The following HSF5 variants were observed in gnomAD, a reference collection of about 807,000 sequenced individuals.
HSF5 encodes the protein heat shock transcription factor 5.
HSF5 carries 5 observed loss-of-function variants against 50.8 expected under a neutral mutation model. That is an observed-to-expected ratio of 0.10 (90% confidence interval 0.05 to 0.21). The LOEUF is 0.21. Among genes scored for constraint, HSF5 ranks in the 10% least tolerant of loss-of-function variants. The pLI, the probability that HSF5 is intolerant of heterozygous loss-of-function variation, is 1.00. For synonymous variants in HSF5, 307 were observed against 307.4 expected (o/e 1.00, Z 0.02); for missense variants, 564 against 762.6 (o/e 0.74, Z 3.07).
At chr17:58,480,352 C>T (rs1036718192) in intron 1 of HSF5, 85 bp from the exon 2 acceptor site, 69 of 1,330,304 alleles carry the variant, frequency 5.2e-5, no homozygotes, top group Non-Finnish European at 7.1e-5. Flanking sequence ...ATATGCTACT[C>T]TTCACCTATC....
At chr17:58,450,338 C>CAAA (rs758990551) in intron 5 of HSF5, among the ~76,000 whole-genome samples, 28 of 51,958 alleles carry the variant, frequency 5.4e-4, no homozygotes, top group African/African-American at 1.0e-3. Context: ...GACTTTGTCT[C>CAAA]AAAAAAAAAA....
chr17:58,439,648 C>T (rs1292370991), intron 5 of HSF5, among the ~76,000 whole-genome samples: 1 of 152,136 alleles, frequency 6.6e-6, no homozygotes, highest in African/African-American at 2.4e-5. Context: ...CCATGCCCAG[C>T]TAATTCTGTA....
intron 1 of HSF5, 97 bp downstream of exon 1, chr17:58,487,628 T>C (rs1007531032): frequency 2.6e-5 from 34 of 1,321,500 alleles, no homozygotes; most frequent in African/African-American, 6.1e-5. Context: ...CCGACGCCCA[T>C]AGCGTGAGGA....
intron 5 of HSF5, among the ~76,000 whole-genome samples, chr17:58,456,305 G>T (rs1300008027): frequency 6.6e-6 from 1 of 151,972 alleles, no homozygotes; most frequent in Non-Finnish European, 1.5e-5. Context: ...AGTGAAATAA[G>T]CCAGGCACAG....
chr17:58,470,178 C>T (rs976505687), intron 2 of HSF5, among the ~76,000 whole-genome samples: 1 of 152,102 alleles, frequency 6.6e-6, no homozygotes, highest in Admixed American at 6.6e-5. Context: ...AGTTTATACC[C>T]CAAAGTGAAA....
chr17:58,470,000 G>T (rs1974922626), intron 2 of HSF5, among the ~76,000 whole-genome samples: 1 of 152,088 alleles, frequency 6.6e-6, no homozygotes, highest in Admixed American at 6.5e-5. Flanking sequence ...CTTAGAATTT[G>T]AATCTACTCC....
At chr17:58,449,859 T>C (rs941209980) in intron 5 of HSF5, among the ~76,000 whole-genome samples, 3 of 146,744 alleles carry the variant, frequency 2.0e-5, no homozygotes, top group African/African-American at 5.1e-5. Flanking sequence ...CCGTCTCTAC[T>C]AAAAATACAA....
intron 4 of HSF5, among the ~76,000 whole-genome samples, chr17:58,462,028 C>T (rs1313736604): frequency 6.6e-6 from 1 of 152,136 alleles, no homozygotes; most frequent in Non-Finnish European, 1.5e-5. Context: ...CTCCGTTCCC[C>T]CTCCCACTCC....
At chr17:58,457,129 G>A (rs186468523) in intron 5 of HSF5, among the ~76,000 whole-genome samples, 148 of 152,044 alleles carry the variant, frequency 9.7e-4, no homozygotes, top group Non-Finnish European at 1.8e-3. Flanking sequence ...TCGTGGTGGA[G>A]TGTGCCTGTA....
At chr17:58,458,194 A>C (rs983740118) in intron 5 of HSF5, among the ~76,000 whole-genome samples, 2 of 152,250 alleles carry the variant, frequency 1.3e-5, no homozygotes, top group African/African-American at 2.4e-5. Context: ...ATTTCTTCAA[A>C]AAATATGATT....
chr17:58,470,635 A>G (rs976937818), intron 2 of HSF5, among the ~76,000 whole-genome samples: 9 of 152,196 alleles, frequency 5.9e-5, no homozygotes, highest in Admixed American at 5.2e-4. Flanking sequence ...AATAGTTAAG[A>G]TGGTAAACTT....
intron 5 of HSF5, among the ~76,000 whole-genome samples, chr17:58,445,532 T>G (rs1305299783): frequency 6.6e-6 from 1 of 152,194 alleles, no homozygotes; most frequent in Non-Finnish European, 1.5e-5. Flanking sequence ...CAAAATGTCA[T>G]ATGCACGTAC....
chr17:58,479,513 G>A (rs902502075), intron 2 of HSF5, among the ~76,000 whole-genome samples: 1 of 152,020 alleles, frequency 6.6e-6, no homozygotes, highest in African/African-American at 2.4e-5. Context: ...ATGTTGGCTA[G>A]GCTGGTCTCG....
intron 5 of HSF5, among the ~76,000 whole-genome samples, chr17:58,443,007 C>G (rs1974517899): frequency 6.6e-6 from 1 of 151,872 alleles, no homozygotes; most frequent in South Asian, 2.1e-4. Context: ...CTCCCAGGTT[C>G]ATGCCATTCT....
At chr17:58,461,167 T>C (rs1012024419) in intron 4 of HSF5, among the ~76,000 whole-genome samples, 13 of 151,656 alleles carry the variant, frequency 8.6e-5, no homozygotes, top group Admixed American at 5.3e-4. Flanking sequence ...TGAGCCAAGA[T>C]TGCGCTACTG....
Position 58,479,897 on chromosome 17 carries a change from T to C in HSF5, c.921A>G (p.Pro307=). Residue 307 remains proline (P), a synonymous_variant, in exon 2 of 6, where the codon CCA becomes CCG. Transcript: ENST00000323777. ...PSAQYSQAYY[P]TAVLQCCSPT... ...ATGAACCTGAATTTGTCATACCTGT[T>C]GGATAGTAGGCTTGCGAGTACTGTG... The C allele has an allele frequency of 6.2e-7, 1 of 1,610,224 alleles. No homozygotes were observed. The highest frequency in any genetic ancestry group is 1.3e-5 in the African/African-American group (1 of 74,938).
At chr17:58,486,983 C>T (rs1350027192) in intron 1 of HSF5, among the ~76,000 whole-genome samples, 5 of 139,556 alleles carry the variant, frequency 3.6e-5, no homozygotes, top group African/African-American at 1.3e-4. Context: ...TCTCGGCTTA[C>T]TGCAACCTCT....
At chr17:58,469,447 A>G (rs982517049) in intron 2 of HSF5, among the ~76,000 whole-genome samples, 3 of 152,240 alleles carry the variant, frequency 2.0e-5, no homozygotes, top group Non-Finnish European at 4.4e-5. Context: ...TAAAGTATCC[A>G]GTAACAAATG....
chr17:58,433,354 G>A (rs1468645027), intron 5 of HSF5, among the ~76,000 whole-genome samples: 1 of 152,162 alleles, frequency 6.6e-6, no homozygotes, highest in Admixed American at 6.5e-5. Flanking sequence ...AATATATTAA[G>A]CTTGGGACAC....
Sources: gnomAD v4.1 joint callset for allele counts (sites outside exome capture counted in the v4.1 genomes callset) on GRCh38, gnomAD v4.1.1 for gene constraint, MANE v1.5 for transcripts, NCBI Gene and HGNC (gene_info 2026-07-23, HGNC 2026-07-21) for gene names.